Variants in BACH2 observed in about 807,000 individuals in gnomAD.
BACH2 encodes the protein transcription regulator protein BACH2.
A neutral mutation model predicts 61.8 loss-of-function variants in BACH2; 5 were observed. The observed-to-expected ratio is 0.08, with a 90% CI of 0.04 to 0.17. BACH2 has a LOEUF of 0.17. BACH2 is among the 10% of genes least tolerant of loss of function. The pLI is 1.00. For missense variants in BACH2, 824 were observed against 1,091.1 expected, an observed-to-expected ratio of 0.76 and a Z score of 3.45; for synonymous variants, 446 against 440.1, an observed-to-expected ratio of 1.01 and a Z score of -0.17.
At chr6:90,154,607 G>C (rs1784932215) in intron 4 of BACH2, among the ~76,000 whole-genome samples, 2 of 152,106 alleles carry the variant, frequency 1.3e-5, no homozygotes, top group African/African-American at 4.8e-5. Flanking sequence ...CTCTTTAAGG[G>C]ACCCTCTCTC....
intron 4 of BACH2, among the ~76,000 whole-genome samples, chr6:90,163,788 C>T (rs1020303638): frequency 1.3e-5 from 2 of 152,110 alleles, no homozygotes; most frequent in African/African-American, 2.4e-5. Flanking sequence ...CTAAAATGTA[C>T]CATATATCTG....
At chr6:90,183,005 C>T (rs972191131) in intron 4 of BACH2, among the ~76,000 whole-genome samples, 11 of 152,292 alleles carry the variant, frequency 7.2e-5, no homozygotes, top group African/African-American at 2.2e-4. Flanking sequence ...ATTTTGAGAA[C>T]ACACCACATA....
chr6:90,209,737 T>C (rs527934101), intron 3 of BACH2, among the ~76,000 whole-genome samples: 66 of 152,206 alleles, frequency 4.3e-4, no homozygotes, highest in Non-Finnish European at 7.1e-4. Flanking sequence ...CTTGGATAAA[T>C]AGCTTGCACT....
chr6:89,991,850 T>C (rs1482544211), intron 6 of BACH2, among the ~76,000 whole-genome samples: 1 of 152,188 alleles, frequency 6.6e-6, no homozygotes, highest in Non-Finnish European at 1.5e-5. Context: ...TTCAGGCCAG[T>C]TGTCTTAAAG....
chr6:90,162,306 G>C (rs1457510788), intron 4 of BACH2, among the ~76,000 whole-genome samples: 1 of 152,148 alleles, frequency 6.6e-6, no homozygotes, highest in Non-Finnish European at 1.5e-5. Context: ...TAATTAAAAT[G>C]GTGTGGGTTA....
At chr6:90,155,148 A>T (rs1408570843) in intron 4 of BACH2, among the ~76,000 whole-genome samples, 5 of 152,214 alleles carry the variant, frequency 3.3e-5, no homozygotes, top group Non-Finnish European at 5.9e-5. Context: ...AACACAAAGC[A>T]CATGTTTAAA....
intron 5 of BACH2, among the ~76,000 whole-genome samples, chr6:90,075,753 C>G (rs1343830421): frequency 6.6e-6 from 1 of 152,128 alleles, no homozygotes; most frequent in Non-Finnish European, 1.5e-5. Context: ...TCTCAGGTTT[C>G]TTTCACCAAG....
intron 5 of BACH2, among the ~76,000 whole-genome samples, chr6:90,030,457 C>T (rs1031862966): frequency 2.0e-5 from 3 of 151,844 alleles, no homozygotes; most frequent in Non-Finnish European, 2.9e-5. Flanking sequence ...AGACCGCTAG[C>T]AAGACTAATC....
intron 4 of BACH2, among the ~76,000 whole-genome samples, chr6:90,189,424 A>C (rs533688619): frequency 2.6e-4 from 39 of 151,562 alleles, no homozygotes; most frequent in Non-Finnish European, 4.4e-4. Context: ...CTGGCTAACA[A>C]GGTGAAACCC....
At chr6:90,179,241 T>A (rs1367891769) in intron 4 of BACH2, among the ~76,000 whole-genome samples, 1 of 151,936 alleles carries the variant, frequency 6.6e-6, no homozygotes, top group Non-Finnish European at 1.5e-5. Context: ...AAGAAATTGA[T>A]CACTAATGAA....
chr6:90,221,778 A>G (rs1232187331), intron 3 of BACH2, among the ~76,000 whole-genome samples: 1 of 152,182 alleles, frequency 6.6e-6, no homozygotes, highest in African/African-American at 2.4e-5. Context: ...GAAGAAACTG[A>G]ATGTGAAAAA....
At chr6:90,292,030 T>A (rs1309003752) in intron 1 of BACH2, among the ~76,000 whole-genome samples, 1 of 152,208 alleles carries the variant, frequency 6.6e-6, no homozygotes, top group African/African-American at 2.4e-5. Flanking sequence ...TTGACAAATA[T>A]GTTACATTTT....
intron 5 of BACH2, among the ~76,000 whole-genome samples, chr6:90,065,022 C>T (rs1780874760): frequency 6.6e-6 from 1 of 151,978 alleles, no homozygotes; most frequent in Admixed American, 6.6e-5. Flanking sequence ...GAATTCCTTC[C>T]TTACAGAGTC....
chr6:90,061,617 A>G (rs1780689259), intron 5 of BACH2, among the ~76,000 whole-genome samples: 1 of 152,118 alleles, frequency 6.6e-6, no homozygotes, highest in South Asian at 2.1e-4. Flanking sequence ...GTGAGAGTGC[A>G]GAGAGAAAAC....
intron 4 of BACH2, among the ~76,000 whole-genome samples, chr6:90,167,213 G>A (rs544813655): frequency 2.0e-5 from 3 of 152,300 alleles, no homozygotes; most frequent in South Asian, 2.1e-4. Flanking sequence ...GTGAAGCTAT[G>A]TGGTAGAGCA....
chr6:90,186,861 C>G (rs1041799303), intron 4 of BACH2, among the ~76,000 whole-genome samples: 3 of 152,174 alleles, frequency 2.0e-5, no homozygotes, highest in Admixed American at 2.0e-4. Flanking sequence ...GGTCTCACAA[C>G]GCCTCTGTGT....
At chr6:90,270,553 A>G (rs1388249176) in intron 2 of BACH2, among the ~76,000 whole-genome samples, 1 of 152,208 alleles carries the variant, frequency 6.6e-6, no homozygotes, top group Non-Finnish European at 1.5e-5. Context: ...GAAAACTACA[A>G]AACACTGCTG....
intron 3 of BACH2, among the ~76,000 whole-genome samples, chr6:90,244,075 C>G (rs1356456099): frequency 6.6e-6 from 1 of 152,146 alleles, no homozygotes; most frequent in Non-Finnish European, 1.5e-5. Context: ...GCATGTGCCA[C>G]CACACCCGGC....
intron 4 of BACH2, among the ~76,000 whole-genome samples, chr6:90,138,010 C>T (rs1784334383): frequency 6.6e-6 from 1 of 151,254 alleles, no homozygotes; most frequent in South Asian, 2.1e-4. Flanking sequence ...GCAGATTCTC[C>T]CAGCCCTAAT....
Sources: allele counts gnomAD v4.1 joint callset (sites outside exome capture counted in the v4.1 genomes callset), GRCh38; gene constraint gnomAD v4.1.1; transcripts MANE v1.5; gene names NCBI Gene and HGNC (gene_info 2026-07-23, HGNC 2026-07-21).